Variants in CADM2 observed in about 807,000 individuals in gnomAD.
CADM2 encodes the protein immunoglobulin superfamily member 4D.
CADM2 carries 12 observed loss-of-function variants against 49.8 expected under a neutral mutation model. The observed-to-expected ratio is 0.24, with a 90% CI of 0.15 to 0.39. CADM2 has a LOEUF of 0.39. Ranked by LOEUF, CADM2 falls within the 10% of genes least tolerant of loss-of-function variation. The probability of loss-of-function intolerance (pLI) is 1.00; values close to 1 mark genes in which losing one functional copy is unlikely to be tolerated. For synonymous variants in CADM2, 214 were observed against 175.4 expected, an observed-to-expected ratio of 1.22 and a Z score of -1.74; for missense variants, 378 against 492.3, an observed-to-expected ratio of 0.77 and a Z score of 2.20.
intron 3 of CADM2, among the ~76,000 whole-genome samples, chr3:85,849,862 C>T (rs1325477941): frequency 1.3e-5 from 2 of 151,608 alleles, no homozygotes; most frequent in Admixed American, 1.3e-4. Flanking sequence ...AGACTTTGCT[C>T]TCAAAAACTC....
At chr3:85,188,410 T>A (rs2041117119) in intron 1 of CADM2, among the ~76,000 whole-genome samples, 2 of 152,152 alleles carry the variant, frequency 1.3e-5, no homozygotes, top group African/African-American at 4.8e-5. Flanking sequence ...TCAAAAAGTA[T>A]TTGACACAAA....
chr3:85,223,245 A>C (rs955712788), intron 1 of CADM2, among the ~76,000 whole-genome samples: 4 of 152,204 alleles, frequency 2.6e-5, no homozygotes, highest in African/African-American at 9.6e-5. Context: ...GGTATGAAAA[A>C]ACAGGATGTA....
In CADM2 at chr3:85,074,028, A is replaced by G. The variant is rs550625009; in HGVS notation, c.61+114360A>G. ...TAAATGTAACGTACAATTAAAAAAA[A>G]TTCCCGGTTGCATTAGCCACATTTT... On this transcript the variant is annotated intron_variant, in intron 1 of 9. Coordinates refer to ENST00000383699, the MANE Select transcript of CADM2 (RefSeq NM_001167675.2). Among the ~76,000 whole-genome samples, 18 of 152,244 alleles carry G rather than the reference A, an allele frequency of 1.2e-4. No individual in the cohort carries two copies. In the South Asian group the frequency reaches 3.7e-3, roughly 32 times the overall value.
At chr3:85,930,428 G>A (rs2108525435) in intron 6 of CADM2, among the ~76,000 whole-genome samples, 1 of 152,166 alleles carries the variant, frequency 6.6e-6, no homozygotes, top group African/African-American at 2.4e-5. Flanking sequence ...ATCCCCTCAA[G>A]CATTTATTCT....
chr3:85,336,115 C>A (rs1172191032), intron 1 of CADM2, among the ~76,000 whole-genome samples: 1 of 151,352 alleles, frequency 6.6e-6, no homozygotes, highest in Non-Finnish European at 1.5e-5. Flanking sequence ...TTATCTTTGA[C>A]GTCATTGCTT....
chr3:85,687,694 T>A (rs905887780), intron 1 of CADM2, among the ~76,000 whole-genome samples: 1 of 152,184 alleles, frequency 6.6e-6, no homozygotes, highest in Non-Finnish European at 1.5e-5. Flanking sequence ...TGTGTCGATA[T>A]GCAAACATGA....
chr3:85,742,575 A>G (rs2068440953), intron 2 of CADM2, among the ~76,000 whole-genome samples: 1 of 152,238 alleles, frequency 6.6e-6, no homozygotes, highest in African/African-American at 2.4e-5. Flanking sequence ...TATTTGATAG[A>G]GTAGTTATTT....
chr3:85,753,392 G>GA (rs1055033450), intron 2 of CADM2, among the ~76,000 whole-genome samples: 14 of 151,706 alleles, frequency 9.2e-5, no homozygotes, highest in South Asian at 8.3e-4. Context: ...GTAGAAACAG[G>GA]AAAAAAAATG....
chr3:85,185,045 C>A (rs2041024276), intron 1 of CADM2, among the ~76,000 whole-genome samples: 2 of 151,936 alleles, frequency 1.3e-5, no homozygotes, highest in African/African-American at 4.8e-5. Flanking sequence ...AGAAATGTAA[C>A]CCTAGCTCCA....
At chr3:85,085,925 G>A (rs1452608586) in intron 1 of CADM2, among the ~76,000 whole-genome samples, 2 of 152,070 alleles carry the variant, frequency 1.3e-5, no homozygotes, top group African/African-American at 4.8e-5. Context: ...TAGGGCATCA[G>A]GGTGAGCACA....
intron 1 of CADM2, among the ~76,000 whole-genome samples, chr3:85,686,316 T>C (rs184171155): frequency 4.1e-4 from 63 of 152,310 alleles, no homozygotes; most frequent in Non-Finnish European, 6.8e-4. Context: ...TTGAAAAAAA[T>C]GCAATATTTG....
At chr3:85,997,632 C>T (rs948751066) in intron 8 of CADM2, among the ~76,000 whole-genome samples, 1 of 152,114 alleles carries the variant, frequency 6.6e-6, no homozygotes, top group Non-Finnish European at 1.5e-5. Context: ...TTTTAGATTT[C>T]ATTGGGATAC....
chr3:86,030,203 A>C (rs1307023813), intron 8 of CADM2, among the ~76,000 whole-genome samples: 3 of 151,992 alleles, frequency 2.0e-5, no homozygotes, highest in African/African-American at 7.2e-5. Flanking sequence ...TATTGTAATG[A>C]AATCTAGAGA....
intron 1 of CADM2, among the ~76,000 whole-genome samples, chr3:85,198,648 C>T (rs1331204785): frequency 1.3e-5 from 2 of 151,800 alleles, no homozygotes. Flanking sequence ...TTATGGTATA[C>T]ATTTTAATTT....
intron 7 of CADM2, among the ~76,000 whole-genome samples, chr3:85,938,999 A>G (rs1368922513): frequency 6.6e-6 from 1 of 152,090 alleles, no homozygotes; most frequent in Non-Finnish European, 1.5e-5. Context: ...GTAATTAGGT[A>G]TATTGGTAGT....
At chr3:85,974,770 G>C (rs1456046347) in intron 8 of CADM2, among the ~76,000 whole-genome samples, 1 of 151,732 alleles carries the variant, frequency 6.6e-6, no homozygotes, top group East Asian at 2.0e-4. Context: ...TTGCAGCCTA[G>C]TTAGACTGTC....
intron 1 of CADM2, among the ~76,000 whole-genome samples, chr3:85,562,359 T>C (rs546476123): frequency 2.0e-5 from 3 of 151,314 alleles, no homozygotes; most frequent in Non-Finnish European, 4.4e-5. Flanking sequence ...ACGCCTGAAA[T>C]CCCAGCTACT....
chr3:85,978,472 C>T lies in CADM2; in HGVS notation c.970+16825C>T, dbSNP rs111360341. 2.8e-3 allele frequency among the ~76,000 whole-genome samples: 420 copies of T among 151,542 alleles called. 7 individuals carry two copies. Among genetic ancestry groups the T allele is most frequent in the African/African-American group, 9.9e-3 (412 of 41,430 alleles). On this transcript the variant is annotated intron_variant, in intron 8 of 9. Coordinates refer to ENST00000383699, the MANE Select transcript of CADM2 (RefSeq NM_001167675.2). The stretch of plus-strand genomic sequence containing the variant: ...CATAAACCTTTCAGAATATCGGGTG[C>T]CATGCTAGTTGACTCAATACTTGTT...
Position 85,557,943 on chromosome 3 carries a change from G to A in CADM2, c.62-168579G>A, listed in dbSNP as rs1243770616. On this transcript the variant is annotated intron_variant, in intron 1 of 9. Transcript: ENST00000383699. ...AAACAATAGACACAAATCTACGTTC[G>A]TAAAGAGAAAACCTGTCTTTAGACA... 3.3e-5 allele frequency among the ~76,000 whole-genome samples: 5 copies of A among 152,114 alleles called. 1 individual carries two copies. The highest frequency in any genetic ancestry group is 2.1e-4 in the South Asian group (1 of 4,826).
Sources: allele counts gnomAD v4.1 joint callset (sites outside exome capture counted in the v4.1 genomes callset), GRCh38; gene constraint gnomAD v4.1.1; transcripts MANE v1.5; gene names NCBI Gene and HGNC (gene_info 2026-07-23, HGNC 2026-07-21).